The following CNTN1 variants were observed in gnomAD, a reference collection of about 807,000 sequenced individuals.
The protein encoded by CNTN1 is contactin 1, also known as contactin-1.
In CNTN1, 38 loss-of-function variants were observed where a neutral mutation model predicts 126.4. The observed-to-expected ratio is 0.30, with a 90% CI of 0.23 to 0.39. The LOEUF is 0.39. Among genes scored for constraint, CNTN1 ranks in the 10% least tolerant of loss-of-function variants. The pLI, the probability that CNTN1 is intolerant of heterozygous loss-of-function variation, is 1.00. For synonymous variants in CNTN1, 413 were observed against 422.6 expected (o/e 0.98, Z 0.28); for missense variants, 1,009 against 1,248.4 (o/e 0.81, Z 2.89).
chr12:40,755,762 G>A (rs1938587002), intron 1 of CNTN1, among the ~76,000 whole-genome samples: 1 of 151,920 alleles, frequency 6.6e-6, no homozygotes, highest in Non-Finnish European at 1.5e-5. Context: ...AGGTGAGAGG[G>A]ATAAGATCTT....
At chr12:40,970,432 C>T (rs540393860) in intron 15 of CNTN1, among the ~76,000 whole-genome samples, 3 of 151,750 alleles carry the variant, frequency 2.0e-5, no homozygotes, top group Admixed American at 2.0e-4. Context: ...TACTATTTAC[C>T]GTAAGGACTG....
intron 3 of CNTN1, among the ~76,000 whole-genome samples, chr12:40,917,944 C>T (rs74783666): frequency 1.3e-5 from 2 of 152,112 alleles, no homozygotes; most frequent in African/African-American, 2.4e-5. Flanking sequence ...ACGCTAGTCA[C>T]ATGTTTAGAA....
chr12:40,701,990 C>T (rs889834486), intron 1 of CNTN1, among the ~76,000 whole-genome samples: 4 of 152,206 alleles, frequency 2.6e-5, no homozygotes, highest in African/African-American at 9.6e-5. Context: ...TAATCACTAT[C>T]GCCTTACTGT....
chr12:40,967,363 C>T (rs1055282132), intron 15 of CNTN1, among the ~76,000 whole-genome samples: 2 of 151,382 alleles, frequency 1.3e-5, no homozygotes, highest in Non-Finnish European at 2.9e-5. Context: ...GCCTGTAGTC[C>T]CCCCTGCTTG....
At chr12:41,001,331 T>A (rs1476522283) in intron 17 of CNTN1, among the ~76,000 whole-genome samples, 1 of 152,206 alleles carries the variant, frequency 6.6e-6, no homozygotes, top group Non-Finnish European at 1.5e-5. Context: ...ATTATGGTTT[T>A]GATTTGCCTT....
At chr12:40,847,500 C>T (rs561715282) in intron 1 of CNTN1, among the ~76,000 whole-genome samples, 3 of 151,720 alleles carry the variant, frequency 2.0e-5, no homozygotes, top group South Asian at 2.1e-4. Flanking sequence ...TTTGTTTTAA[C>T]GTTTATATTT....
At chr12:41,008,977 G>A (rs1391914604) in intron 17 of CNTN1, among the ~76,000 whole-genome samples, 3 of 152,198 alleles carry the variant, frequency 2.0e-5, no homozygotes, top group East Asian at 3.9e-4. Context: ...AGCTGGTTGA[G>A]CACTTATGCC....
chr12:41,061,640 T>G lies in CNTN1; in HGVS notation c.2981-8319T>G, dbSNP rs147239967. 792 of 314,688 alleles carry G rather than the reference T, an allele frequency of 2.5e-3. 3 individuals carry two copies. The highest frequency in any genetic ancestry group is 4.4e-3 in the Admixed American group (98 of 22,468). The allele number at this position is 314,688 out of a possible 1,614,324, so 19.5% of individuals were successfully genotyped here. ...ATAAGGGAAAATGTAACAAATATGT[T>G]TGCAAATTTTATGGCTCAATGCTTG... is the stretch of plus-strand genomic sequence containing the variant. On this transcript the variant is annotated intron_variant, in intron 23 of 23. Transcript: ENST00000551295.
chr12:41,022,647 A>C (rs1398795652), intron 20 of CNTN1, among the ~76,000 whole-genome samples: 1 of 152,194 alleles, frequency 6.6e-6, no homozygotes, highest in Non-Finnish European at 1.5e-5. Flanking sequence ...TGATGAAAAG[A>C]CTGATAACAC....
At chr12:40,864,765 C>T (rs1022053295) in intron 1 of CNTN1, among the ~76,000 whole-genome samples, 4 of 152,060 alleles carry the variant, frequency 2.6e-5, no homozygotes, top group Non-Finnish European at 5.9e-5. Context: ...GTTGTTTATG[C>T]TTTTTGGCTA....
intron 1 of CNTN1, among the ~76,000 whole-genome samples, chr12:40,714,635 T>C (rs1942003865): frequency 6.6e-6 from 1 of 152,262 alleles, no homozygotes; most frequent in African/African-American, 2.4e-5. Context: ...ATGTCAGGGT[T>C]GTCAAAAATG....
chr12:40,720,976 T>TATA (rs762942012), intron 1 of CNTN1, among the ~76,000 whole-genome samples: 9 of 150,920 alleles, frequency 6.0e-5, no homozygotes, highest in Non-Finnish European at 1.3e-4. Flanking sequence ...TGTATATATG[T>TATA]TATAACATAT....
intron 1 of CNTN1, among the ~76,000 whole-genome samples, chr12:40,810,051 G>C (rs1596517): frequency 0.56 from 85,183 of 151,888 alleles, 24,309 homozygotes; most frequent in East Asian, 0.77. Flanking sequence ...ATCATGGTAT[G>C]GTTATTTTAA....
At chr12:40,733,675 T>C (rs758577887) in intron 1 of CNTN1, among the ~76,000 whole-genome samples, 3 of 152,020 alleles carry the variant, frequency 2.0e-5, no homozygotes, top group Non-Finnish European at 4.4e-5. Flanking sequence ...AAAAAAAGTA[T>C]ATAATACATT....
chr12:40,925,828 A>G (rs374556870), intron 6 of CNTN1, among the ~76,000 whole-genome samples: 4 of 84,416 alleles, frequency 4.7e-5, no homozygotes, highest in South Asian at 3.4e-4. Flanking sequence ...ATATATATAT[A>G]TGTATGTGTG....
At chr12:41,008,534 A>G (rs182649431) in intron 17 of CNTN1, among the ~76,000 whole-genome samples, 2 of 152,290 alleles carry the variant, frequency 1.3e-5, no homozygotes, top group Admixed American at 6.5e-5. Flanking sequence ...TGGCTAGTGT[A>G]ATTTTAGTGT....
chr12:40,733,703 A>T (rs1328943324), intron 1 of CNTN1, among the ~76,000 whole-genome samples: 2 of 152,028 alleles, frequency 1.3e-5, no homozygotes, highest in African/African-American at 2.4e-5. Context: ...TTTTATATTT[A>T]AAAAGAATAA....
rs561694238 is a variant in CNTN1 at position 40,720,003 on chromosome 12, A to ATTTT, written c.-77+27429_-77+27432dup. Among the ~76,000 whole-genome samples the ATTTT allele has an allele frequency of 8.0e-3, 1,014 of 127,166 alleles. 8 individuals carry two copies. The highest frequency in any genetic ancestry group is 0.028 in the African/African-American group (951 of 33,524). The allele number at this position is 127,166 out of a possible 152,430, so 83.4% of individuals were successfully genotyped here. A position where few individuals can be genotyped will look rare whatever the true frequency, so the allele number is the denominator to read the frequency against. ...CAGGCGCATGCACCACGCCCGGTTA[A>ATTTT]TTTTTTTTTTTTTTTTTTTTTGTAT... is the stretch of plus-strand genomic sequence containing the variant. On this transcript the variant is annotated intron_variant, in intron 1 of 23. Transcript: ENST00000551295.
chr12:40,778,228 TATC>T (rs1397525705), intron 1 of CNTN1, among the ~76,000 whole-genome samples: 3 of 151,992 alleles, frequency 2.0e-5, no homozygotes, highest in Non-Finnish European at 4.4e-5. Flanking sequence ...ATTTCCATGT[TATC>T]ATCATATTTT....
Sources: gnomAD v4.1 joint callset for allele counts (sites outside exome capture counted in the v4.1 genomes callset) on GRCh38, gnomAD v4.1.1 for gene constraint, MANE v1.5 for transcripts, NCBI Gene and HGNC (gene_info 2026-07-23, HGNC 2026-07-21) for gene names.